The following AMN1 variants were observed in gnomAD, a reference collection of about 807,000 sequenced individuals.
AMN1 encodes the protein protein AMN1 homolog.
Under a neutral mutation model 33.0 loss-of-function variants are expected in AMN1, and 20 were observed. That is an observed-to-expected ratio of 0.61 (90% confidence interval 0.43 to 0.88). The LOEUF (loss-of-function observed/expected upper bound fraction) is 0.88, where lower values mean the gene tolerates loss of function less well. AMN1 is among the 40% of genes least tolerant of loss of function. AMN1 has a pLI of 0.00. For synonymous variants in AMN1, 114 were observed against 111.9 expected (o/e 1.02, Z -0.12); for missense variants, 246 against 307.4 (o/e 0.80, Z 1.49).
chr12:31,690,955 G>T (rs1265233303), intron 5 of AMN1, among the ~76,000 whole-genome samples: 1 of 152,020 alleles, frequency 6.6e-6, no homozygotes, highest in Admixed American at 6.6e-5. Context: ...CTAACATGGT[G>T]AAACCCCCCG....
chr12:31,685,172 G>A (rs1210738343), intron 6 of AMN1, among the ~76,000 whole-genome samples: 2 of 151,786 alleles, frequency 1.3e-5, no homozygotes, highest in African/African-American at 2.4e-5. Context: ...GGGATTACAG[G>A]CACCCAGCCC....
chr12:31,673,719 T>C (rs1473314066), intron 6 of AMN1: 1 of 382,186 alleles, frequency 2.6e-6, no homozygotes, highest in Non-Finnish European at 5.1e-6. Context: ...GACTAAAAAA[T>C]GCTCAACAAA....
intron 1 of AMN1, among the ~76,000 whole-genome samples, chr12:31,716,132 A>G (rs925346155): frequency 6.6e-6 from 1 of 152,164 alleles, no homozygotes; most frequent in African/African-American, 2.4e-5. Flanking sequence ...CTTTTGCTCA[A>G]CATTATGTTT....
intron 6 of AMN1, among the ~76,000 whole-genome samples, chr12:31,673,869 T>C (rs1730968984): frequency 6.6e-6 from 1 of 152,234 alleles, no homozygotes; most frequent in Non-Finnish European, 1.5e-5. Context: ...CTATTGCTGC[T>C]GTAACAAATT....
chr12:31,705,667 A>G (rs1050019089), intron 2 of AMN1, among the ~76,000 whole-genome samples: 1 of 152,192 alleles, frequency 6.6e-6, no homozygotes, highest in African/African-American at 2.4e-5. Context: ...GGGAAAGCAA[A>G]TAAGCTACAG....
intron 1 of AMN1, among the ~76,000 whole-genome samples, 170 bp from the exon 2 acceptor site, chr12:31,709,595 G>C (rs1008983247): frequency 6.6e-6 from 1 of 152,152 alleles, no homozygotes; most frequent in Non-Finnish European, 1.5e-5. Context: ...CAGGCAGGAG[G>C]ATGGCTTGAG....
In AMN1 at chr12:31,727,382, C is replaced by A. The variant is rs1940116584; in HGVS notation, c.38+1589G>T. Among the ~76,000 whole-genome samples the A allele has an allele frequency of 2.0e-5, 3 of 152,194 alleles. No individual in the cohort carries two copies. In the South Asian group the frequency reaches 6.2e-4, roughly 32 times the overall value. ...TACAGTTCTAAAACCTTTGATAGCT[C>A]CCCATGACTGAAAGAGGAAATGCTC... On this transcript the variant is annotated intron_variant, in intron 1 of 6. Transcript: ENST00000281471.
chr12:31,678,251 C>A (rs1937827513), intron 6 of AMN1, among the ~76,000 whole-genome samples: 1 of 152,206 alleles, frequency 6.6e-6, no homozygotes, highest in Admixed American at 6.5e-5. Flanking sequence ...GAAAGGTATA[C>A]CTTTCTGCCT....
chr12:31,699,416 A>AAAAG (rs1565772582), intron 3 of AMN1, among the ~76,000 whole-genome samples: 1 of 149,590 alleles, frequency 6.7e-6, no homozygotes, highest in Non-Finnish European at 1.5e-5. Flanking sequence ...AAAAAAAAAA[A>AAAAG]AAAAAGAAAG....
At chr12:31,697,546 A>C (rs776165334) in intron 4 of AMN1, 129 bp from the exon 5 acceptor site, 27 of 1,059,778 alleles carry the variant, frequency 2.5e-5, no homozygotes, top group Non-Finnish European at 3.3e-5. Context: ...TTAGCCATAT[A>C]TACCTTTCAC....
chr12:31,692,188 T>G (rs1744699960), intron 5 of AMN1, among the ~76,000 whole-genome samples: 1 of 151,596 alleles, frequency 6.6e-6, no homozygotes, highest in Non-Finnish European at 1.5e-5. Flanking sequence ...TAACATTATT[T>G]TAGAAAAAGA....
At chr12:31,703,705 A>G (rs566897760) in intron 2 of AMN1, among the ~76,000 whole-genome samples, 4 of 152,352 alleles carry the variant, frequency 2.6e-5, no homozygotes, top group African/African-American at 9.6e-5. Context: ...CAGATCACAT[A>G]TAAGATGAGC....
chr12:31,726,879 C>G (rs1394002761), intron 1 of AMN1, among the ~76,000 whole-genome samples: 2 of 152,282 alleles, frequency 1.3e-5, no homozygotes, highest in South Asian at 4.1e-4. Flanking sequence ...AAGAATTTTT[C>G]TTAACATTGT....
chr12:31,688,819 T>A (rs887309005), intron 6 of AMN1, among the ~76,000 whole-genome samples, 188 bp downstream of exon 6: 2 of 151,200 alleles, frequency 1.3e-5, no homozygotes, highest in African/African-American at 4.9e-5. Context: ...TCCCAAAAAA[T>A]TAAAATAAAA....
chr12:31,676,913 TAAG>T (rs1937740200), intron 6 of AMN1, among the ~76,000 whole-genome samples: 1 of 151,812 alleles, frequency 6.6e-6, no homozygotes, highest in African/African-American at 2.4e-5. Flanking sequence ...TGGGTTTAAA[TAAG>T]AATATTCAAT....
chr12:31,712,919 G>T (rs1308286833), intron 1 of AMN1, among the ~76,000 whole-genome samples: 1 of 152,230 alleles, frequency 6.6e-6, no homozygotes, highest in African/African-American at 2.4e-5. Flanking sequence ...CTCCCAAAGT[G>T]TTGGGATTAC....
intron 1 of AMN1, among the ~76,000 whole-genome samples, chr12:31,724,582 C>T (rs541738228): frequency 5.3e-5 from 8 of 152,084 alleles, no homozygotes; most frequent in Non-Finnish European, 1.2e-4. Context: ...CTGAAACTGC[C>T]GAAACAAAAC....
At chr12:31,673,162 T>C (rs1951317181) in intron 6 of AMN1, 1 of 151,992 alleles carries the variant, frequency 6.6e-6, no homozygotes, top group Non-Finnish European at 1.5e-5. Flanking sequence ...CTTGTTTCCA[T>C]AGATACAACC....
intron 3 of AMN1, 96 bp from the exon 4 acceptor site, chr12:31,698,053 A>T: frequency 8.5e-7 from 1 of 1,181,376 alleles, no homozygotes; most frequent in South Asian, 1.3e-5. Context: ...TCACCAGTTC[A>T]GTGTTAGCCC....
Sources: gnomAD v4.1 joint callset for allele counts (sites outside exome capture counted in the v4.1 genomes callset) on GRCh38, gnomAD v4.1.1 for gene constraint, MANE v1.5 for transcripts, NCBI Gene and HGNC (gene_info 2026-07-23, HGNC 2026-07-21) for gene names.